PRLR: variants seen among roughly 807,000 people sequenced by gnomAD.
The protein encoded by PRLR is prolactin receptor.
A neutral mutation model predicts 40.2 loss-of-function variants in PRLR; 13 were observed. The observed-to-expected ratio is 0.32, with a 90% confidence interval of 0.21 to 0.51. PRLR has a LOEUF of 0.51. Ranked by LOEUF, PRLR falls within the 20% of genes least tolerant of loss-of-function variation. The pLI, the probability that PRLR is intolerant of heterozygous loss-of-function variation, is 0.97. For missense variants in PRLR, 656 were observed against 747.3 expected (o/e 0.88, Z 1.42); for synonymous variants, 269 against 278.7 (o/e 0.97, Z 0.35).
intron 1 of PRLR, among the ~76,000 whole-genome samples, chr5:35,189,176 A>G (rs1579781941): frequency 6.6e-6 from 1 of 152,180 alleles, no homozygotes; most frequent in Non-Finnish European, 1.5e-5. Context: ...TGACCAGCAC[A>G]CCACCAGAAG....
chr5:35,125,717 A>T (rs1230338404), intron 1 of PRLR, among the ~76,000 whole-genome samples: 3 of 152,238 alleles, frequency 2.0e-5, no homozygotes, highest in Non-Finnish European at 4.4e-5. Flanking sequence ...ATCTAAAAGT[A>T]TAAGAGAATA....
At chr5:35,120,197 G>A (rs1289617718) in intron 1 of PRLR, among the ~76,000 whole-genome samples, 1 of 152,088 alleles carries the variant, frequency 6.6e-6, no homozygotes, top group Non-Finnish European at 1.5e-5. Context: ...AGTGGTGCTA[G>A]CCGTGGTTGT....
At chr5:35,140,728 A>G (rs1773998524) in intron 1 of PRLR, among the ~76,000 whole-genome samples, 1 of 152,234 alleles carries the variant, frequency 6.6e-6, no homozygotes, top group African/African-American at 2.4e-5. Flanking sequence ...TCAGCTGGCT[A>G]TAACATGCTG....
intron 1 of PRLR, among the ~76,000 whole-genome samples, chr5:35,161,725 G>A (rs182903707): frequency 6.6e-6 from 1 of 152,350 alleles, no homozygotes; most frequent in East Asian, 1.9e-4. Flanking sequence ...AGAGGGTAGT[G>A]TTGGCTTGCA....
chr5:35,163,341 C>G (rs1774730775), intron 1 of PRLR, among the ~76,000 whole-genome samples: 1 of 152,188 alleles, frequency 6.6e-6, no homozygotes, highest in Non-Finnish European at 1.5e-5. Context: ...GTTATTTGCA[C>G]TAGCAGACAA....
At chr5:35,099,367 G>T (rs553169351) in intron 2 of PRLR, among the ~76,000 whole-genome samples, 2 of 152,142 alleles carry the variant, frequency 1.3e-5, no homozygotes, top group Non-Finnish European at 2.9e-5. Flanking sequence ...AATGCTTTAC[G>T]CCGTGTTTGT....
intron 1 of PRLR, among the ~76,000 whole-genome samples, chr5:35,187,329 A>G (rs1775469490): frequency 6.6e-6 from 1 of 151,694 alleles, no homozygotes; most frequent in Non-Finnish European, 1.5e-5. Flanking sequence ...TGAACCCTGG[A>G]GGCAGAGGTT....
downstream of PRLR, among the ~76,000 whole-genome samples, chr5:35,053,016 A>G (rs1768556890): frequency 6.6e-6 from 1 of 152,186 alleles, no homozygotes; most frequent in Non-Finnish European, 1.5e-5. Flanking sequence ...AACTTTTGTC[A>G]GTGACTTTTA....
At chr5:35,184,019 T>A (rs915234558) in intron 1 of PRLR, among the ~76,000 whole-genome samples, 2 of 152,206 alleles carry the variant, frequency 1.3e-5, no homozygotes, top group Non-Finnish European at 2.9e-5. Context: ...CCATCTCTAC[T>A]TAGGGTCTGA....
chr5:35,204,745 C>T (rs1009548313), intron 1 of PRLR, among the ~76,000 whole-genome samples: 8 of 152,100 alleles, frequency 5.3e-5, no homozygotes, highest in African/African-American at 1.7e-4. Flanking sequence ...AGAAGAAAGA[C>T]CTTAAATTAC....
intron 1 of PRLR, among the ~76,000 whole-genome samples, chr5:35,154,468 C>G (rs1357240450): frequency 6.6e-6 from 1 of 151,938 alleles, no homozygotes; most frequent in African/African-American, 2.4e-5. Flanking sequence ...AGGTCAAGTC[C>G]TTCATATTTG....
intron 1 of PRLR, among the ~76,000 whole-genome samples, chr5:35,217,279 G>A (rs1776308940): frequency 6.6e-6 from 1 of 152,148 alleles, no homozygotes; most frequent in Non-Finnish European, 1.5e-5. Flanking sequence ...AACCCATGCA[G>A]GCTTAGATCC....
intron 1 of PRLR, among the ~76,000 whole-genome samples, chr5:35,144,712 C>T (rs1774129010): frequency 6.6e-6 from 1 of 152,042 alleles, no homozygotes; most frequent in Non-Finnish European, 1.5e-5. Flanking sequence ...ATCTGCCCAC[C>T]TTGGCCTCCC....
At chr5:35,149,885 T>G (rs1217829418) in intron 1 of PRLR, among the ~76,000 whole-genome samples, 1 of 151,572 alleles carries the variant, frequency 6.6e-6, no homozygotes, top group Non-Finnish European at 1.5e-5. Context: ...TGAGACAGAG[T>G]TTCACTCTTG....
At chr5:35,125,648 A>G (rs966705700) in intron 1 of PRLR, among the ~76,000 whole-genome samples, 1 of 152,230 alleles carries the variant, frequency 6.6e-6, no homozygotes, top group Non-Finnish European at 1.5e-5. Context: ...TGGAAAAAGA[A>G]CACACTCTTT....
chr5:35,180,948 A>G (rs72734558), intron 1 of PRLR, among the ~76,000 whole-genome samples: 14,172 of 152,238 alleles, frequency 0.093, 890 homozygotes, highest in Non-Finnish European at 0.12. Context: ...AGGATGGCCT[A>G]ATACAGGTAT....
intron 1 of PRLR, among the ~76,000 whole-genome samples, chr5:35,122,199 A>G (rs1773314386): frequency 6.6e-6 from 1 of 152,222 alleles, no homozygotes; most frequent in African/African-American, 2.4e-5. Context: ...AACCACAGGT[A>G]TAAACCTAAT....
intron 1 of PRLR, among the ~76,000 whole-genome samples, chr5:35,208,377 C>T (rs1239738838): frequency 6.6e-6 from 1 of 152,172 alleles, no homozygotes; most frequent in African/African-American, 2.4e-5. Context: ...GGTACTTCTT[C>T]CCACCTGTAT....
rs1391210801 is a variant in PRLR, at chr5:35,072,692, G to A, written c.426C>T (p.Asp142=). 6.8e-6 allele frequency: 11 copies of A among 1,614,176 alleles called. No individual in the cohort carries two copies. In the South Asian group the frequency reaches 1.2e-4, roughly 18 times the overall value. The change falls in exon 6 of 10, where the codon GAC becomes GAT. Residue 142 remains aspartate, a synonymous_variant. Transcript: ENST00000618457. ...ATTTAATCCACAGGTAGGGTTTTCTGTCTTCTGGCTGTTTTACTTCCACAG... is the reference window on the plus strand; with the variant it reads ...ATTTAATCCACAGGTAGGGTTTTCTATCTTCTGGCTGTTTTACTTCCACAG... ...ELAVEVKQPE[D]RKPYLWIKWS...
Sources: gnomAD v4.1 joint callset for allele counts (sites outside exome capture counted in the v4.1 genomes callset) on GRCh38, gnomAD v4.1.1 for gene constraint, MANE v1.5 for transcripts, NCBI Gene and HGNC (gene_info 2026-07-23, HGNC 2026-07-21) for gene names.